Variants in PRMT7 observed in about 807,000 individuals in gnomAD.
PRMT7 encodes the protein protein arginine methyltransferase 7.
Under a neutral mutation model 85.4 loss-of-function variants are expected in PRMT7, and 75 were observed. The ratio of observed to expected loss-of-function variants is 0.88; its 90% CI spans 0.73 to 1.06. The LOEUF is 1.06. PRMT7 is among the 50% of genes least tolerant of loss of function. PRMT7 has a pLI of 0.00. For missense variants in PRMT7, 868 were observed against 915.2 expected (o/e 0.95, Z 0.67); for synonymous variants, 397 against 359.5 (o/e 1.10, Z -1.18).
intron 9 of PRMT7, 88 bp downstream of exon 9, chr16:68,340,056 G>A: frequency 1.5e-6 from 2 of 1,321,770 alleles, no homozygotes; most frequent in Admixed American, 2.9e-5. Flanking sequence ...TTGGACCCAG[G>A]AGAATTTAGA....
intron 3 of PRMT7, among the ~76,000 whole-genome samples, chr16:68,318,357 GC>G (rs1360416759): frequency 2.0e-5 from 3 of 151,464 alleles, no homozygotes; most frequent in Non-Finnish European, 4.4e-5. Flanking sequence ...CCGCTGCCAC[GC>G]CCGGCTAATT....
In PRMT7 at chr16:68,324,757, C is replaced by T. The variant is rs576692105; in HGVS notation, c.207C>T (p.Leu69=). The T allele has an allele frequency of 5.0e-6, 8 of 1,613,902 alleles. No homozygotes were observed. In the East Asian group the frequency reaches 6.7e-5, roughly 13 times the overall value. The change falls in exon 5 of 19, where the codon CTC becomes CTT. Residue 69 remains leucine, a synonymous_variant. Transcript: ENST00000441236. ...VKDRGQKALV[L]DIGTGTGLLS... ...ACAGAGGACAGAAGGCCTTGGTTCT[C>T]GACATTGGCACTGGCACGGGACTCT...
rs1287193148 is a variant in PRMT7 at position 68,321,587 on chromosome 16, A to G, written c.132+125A>G. On this transcript the variant is annotated intron_variant, in intron 4 of 18. Coordinates refer to ENST00000441236, the MANE Select transcript of PRMT7 (RefSeq NM_019023.5). Reference sequence around the variant, plus strand: ...CTGAGAGGCGTATGGTGTAGAAGTCAGGAAATCAGTTGGGAGACTGGGTCC... The same window carrying G: ...CTGAGAGGCGTATGGTGTAGAAGTCGGGAAATCAGTTGGGAGACTGGGTCC... 1.4e-5 allele frequency: 12 copies of G among 884,944 alleles called. No individual in the cohort carries two copies. The East Asian group carries it at 3.1e-4, about 23-fold the overall frequency. 54.8% of individuals were successfully genotyped at this position (884,944 alleles called of 1,614,324 possible). A position where few individuals can be genotyped will look rare whatever the true frequency, so the allele number is the denominator to read the frequency against.
Position 68,356,768 on chromosome 16 carries a change from A to AT in PRMT7, c.1879_1880insT (p.Thr627IlefsTer73). 1.9e-6 allele frequency: 3 copies of AT among 1,610,660 alleles called. No homozygotes were observed. The highest frequency in any genetic ancestry group is 2.5e-6 in the Non-Finnish European group (3 of 1,179,702). On this transcript the variant is annotated frameshift_variant, in exon 18 of 19. Coordinates refer to ENST00000441236, the MANE Select transcript of PRMT7 (RefSeq NM_019023.5). LOFTEE classifies it low-confidence loss of function (END_TRUNC). ...CCTGACCCCGGAGTGCACGCTCAGCACTGGCCTCCTGGAGCCTGCAGACCC... is the reference window on the plus strand; with the variant it reads ...CCTGACCCCGGAGTGCACGCTCAGCATCTGGCCTCCTGGAGCCTGCAGACCC...
chr16:68,346,014 T>C, intron 10 of PRMT7, 131 bp from the exon 11 acceptor site: 2 of 1,428,492 alleles, frequency 1.4e-6, no homozygotes, highest in Non-Finnish European at 1.9e-6. Flanking sequence ...AGCAGATGCG[T>C]AGGAAAAGTC....
At chr16:68,332,192 C>T (rs998165521) in intron 6 of PRMT7, among the ~76,000 whole-genome samples, 3 of 152,140 alleles carry the variant, frequency 2.0e-5, no homozygotes, top group African/African-American at 4.8e-5. Flanking sequence ...AGTGCTGTGA[C>T]GTTTTGGCAT....
chr16:68,335,726 C>T (rs543043278), intron 6 of PRMT7, among the ~76,000 whole-genome samples: 17 of 151,176 alleles, frequency 1.1e-4, no homozygotes, highest in Non-Finnish European at 2.1e-4. Flanking sequence ...GCTCCAGCCT[C>T]GAGCTCGAGG....
intron 17 of PRMT7, among the ~76,000 whole-genome samples, chr16:68,356,173 A>G (rs2088412642): frequency 6.6e-6 from 1 of 152,196 alleles, no homozygotes; most frequent in African/African-American, 2.4e-5. Context: ...TCCTGTGGTC[A>G]CCGATGCACC....
At chr16:68,340,581 TAAAA>T (rs34764923) in intron 9 of PRMT7, among the ~76,000 whole-genome samples, 2 of 142,724 alleles carry the variant, frequency 1.4e-5, no homozygotes, top group Admixed American at 7.0e-5. Flanking sequence ...AACCTGTCTC[TAAAA>T]AAAAAAAAAA....
At chr16:68,347,919 C>T (rs2086651705) in intron 13 of PRMT7, among the ~76,000 whole-genome samples, 1 of 152,200 alleles carries the variant, frequency 6.6e-6, no homozygotes, top group African/African-American at 2.4e-5. Context: ...TTTTTCCTCA[C>T]TTCACATAAG....
Position 68,357,171 on chromosome 16 carries a change from C to A in PRMT7, c.2026C>A (p.Pro676Thr), listed in dbSNP as rs1430345667. The stretch of plus-strand genomic sequence containing the variant: ...TGTCAGCTATGCAGTGGAGTTTCAC[C>A]CCGACACAGGCGACATCATCATGGA... ...RTVSYAVEFHPDTGDIIMEFR... is the reference protein window; with the variant it reads ...RTVSYAVEFHTDTGDIIMEFR... The change falls in exon 19 of 19, where the codon CCC becomes ACC. Residue 676 changes from proline to threonine, a missense_variant. By Grantham distance (38) the Pro-to-Thr change is conservative. Transcript: ENST00000441236. 2 of 1,613,840 alleles carry A rather than the reference C, an allele frequency of 1.2e-6. No homozygotes were observed. The highest frequency in any genetic ancestry group is 1.6e-4 in the Middle Eastern group (1 of 6,084).
chr16:68,346,054 G>T, intron 10 of PRMT7, 91 bp from the exon 11 acceptor site: 1 of 1,574,626 alleles, frequency 6.4e-7, no homozygotes, highest in Non-Finnish European at 8.6e-7. Flanking sequence ...AAGCCCTCAT[G>T]CCTACTGGAG....
chr16:68,321,614 A>G, intron 4 of PRMT7, 152 bp downstream of exon 4: 1 of 637,038 alleles, frequency 1.6e-6, no homozygotes, highest in Non-Finnish European at 2.7e-6. Flanking sequence ...ACTGGGTCCT[A>G]CTTCTGGCTC....
At chr16:68,316,178 C>G in intron 3 of PRMT7, 104 bp downstream of exon 3, 1 of 994,836 alleles carries the variant, frequency 1.0e-6, no homozygotes, top group Non-Finnish European at 1.6e-6. Flanking sequence ...TCACCCAGTG[C>G]TTATGATGAG....
intron 6 of PRMT7, among the ~76,000 whole-genome samples, chr16:68,332,711 C>T (rs1396118430): frequency 1.6e-4 from 25 of 152,160 alleles, no homozygotes. Context: ...CAGCTGCTTC[C>T]ACTTCCCTGA....
At chr16:68,344,470 G>T (rs1163645945) in intron 9 of PRMT7, among the ~76,000 whole-genome samples, 1 of 152,216 alleles carries the variant, frequency 6.6e-6, no homozygotes, top group Non-Finnish European at 1.5e-5. Flanking sequence ...GCCTTCAGCA[G>T]CAGCGTTTAA....
At chr16:68,312,595 T>G (rs2044051285) in intron 2 of PRMT7, among the ~76,000 whole-genome samples, 1 of 152,100 alleles carries the variant, frequency 6.6e-6, no homozygotes, top group Non-Finnish European at 1.5e-5. Flanking sequence ...GCTAATACAA[T>G]TAGGGCTTGG....
At position 68,357,162 on chromosome 16, in the gene PRMT7, G is replaced by A. The variant is rs1324756690; in HGVS notation, c.2017G>A (p.Glu673Lys). The A allele has an allele frequency of 2.5e-6, 4 of 1,613,908 alleles. No homozygotes were observed. The African/African-American group carries it at 5.3e-5, about 22-fold the overall frequency. ...CCCACGGACTGTCAGCTATGCAGTG[G>A]AGTTTCACCCCGACACAGGCGACAT... is the stretch of plus-strand genomic sequence containing the variant. ...GGPRTVSYAV[E>K]FHPDTGDIIM... The change falls in exon 19 of 19, where the codon GAG (glutamate) becomes AAG (lysine). Residue 673 changes from glutamate to lysine, a missense_variant. Coordinates refer to ENST00000441236, the MANE Select transcript of PRMT7 (RefSeq NM_019023.5).
chr16:68,322,438 T>G (rs1239603251), intron 4 of PRMT7: 2 of 449,064 alleles, frequency 4.5e-6, no homozygotes, highest in Non-Finnish European at 8.9e-6. Flanking sequence ...GGTCAAGTGA[T>G]CCACCCGCCT....
Sources: allele counts gnomAD v4.1 joint callset (sites outside exome capture counted in the v4.1 genomes callset), GRCh38; gene constraint gnomAD v4.1.1; transcripts MANE v1.5; gene names NCBI Gene and HGNC (gene_info 2026-07-23, HGNC 2026-07-21).